Variants in NRCAM observed in about 807,000 individuals in gnomAD.
NRCAM encodes the protein NgCAM-related cell adhesion molecule.
Under a neutral mutation model 156.5 loss-of-function variants are expected in NRCAM, and 83 were observed. That is an observed-to-expected ratio of 0.53 (90% CI 0.44 to 0.64). NRCAM has a LOEUF of 0.64. NRCAM is among the 30% of genes least tolerant of loss of function. NRCAM has a pLI of 0.00. For synonymous variants in NRCAM, 538 were observed against 563.9 expected, an observed-to-expected ratio of 0.95 and a Z score of 0.65; for missense variants, 1,417 against 1,597.3, an observed-to-expected ratio of 0.89 and a Z score of 1.92.
chr7:108,378,874 A>G (rs976115506), intron 2 of NRCAM, among the ~76,000 whole-genome samples: 8 of 149,432 alleles, frequency 5.4e-5, no homozygotes, highest in African/African-American at 1.7e-4. Flanking sequence ...CAAAGGAGAG[A>G]AAAAAAAAAT....
intron 2 of NRCAM, among the ~76,000 whole-genome samples, chr7:108,367,674 T>C (rs1016913992): frequency 3.3e-5 from 5 of 152,122 alleles, no homozygotes; most frequent in African/African-American, 1.2e-4. Flanking sequence ...CTTCTATATC[T>C]GAAGGAGAGT....
chr7:108,324,642 G>A (rs1229513058), intron 2 of NRCAM, among the ~76,000 whole-genome samples: 1 of 152,180 alleles, frequency 6.6e-6, no homozygotes, highest in Non-Finnish European at 1.5e-5. Context: ...CCAGTCGGGG[G>A]CTGGGTGGTA....
At chr7:108,185,553 C>T (rs2066149362) in intron 20 of NRCAM, among the ~76,000 whole-genome samples, 1 of 151,834 alleles carries the variant, frequency 6.6e-6, no homozygotes, top group Admixed American at 6.6e-5. Context: ...CTAGCAAAAC[C>T]CCGTCTCTAC....
intron 3 of NRCAM, among the ~76,000 whole-genome samples, chr7:108,290,596 T>C (rs1307273306): frequency 6.6e-6 from 1 of 152,220 alleles, no homozygotes; most frequent in Non-Finnish European, 1.5e-5. Flanking sequence ...TACAACTATC[T>C]AAACATTTCC....
chr7:108,149,833 T>C lies in NRCAM; in HGVS notation c.*77A>G, dbSNP rs1393300915. The stretch of plus-strand genomic sequence containing the variant: ...AATATACTCTCTACCCATATGTTCA[T>C]AGTATGAGAGGGCTGACAAACAAGT... On this transcript the variant is annotated 3_prime_UTR_variant, in exon 33 of 33. Transcript: ENST00000379028. The C allele has an allele frequency of 1.5e-5, 17 of 1,143,198 alleles. No individual in the cohort carries two copies. The African/African-American group carries it at 1.6e-4, about 10-fold the overall frequency. The allele number at this position is 1,143,198 out of a possible 1,614,324, so 70.8% of individuals were successfully genotyped here. A position where few individuals can be genotyped will look rare whatever the true frequency, so the allele number is the denominator to read the frequency against.
chr7:108,223,717 T>G lies in NRCAM; in HGVS notation c.890+8A>C. The G allele has an allele frequency of 7.3e-7, 1 of 1,371,670 alleles. No homozygotes were observed. Among genetic ancestry groups the G allele is most frequent in the East Asian group, 2.3e-5 (1 of 43,598 alleles). The allele number at this position is 1,371,670 out of a possible 1,614,324, so 85.0% of individuals were successfully genotyped here. A position where few individuals can be genotyped will look rare whatever the true frequency, so the allele number is the denominator to read the frequency against. ...AAATGTACTTCAGGACAGAAAGTGT[T>G]AACTCACAGTCCTTCTGCAATGCAC... is the stretch of plus-strand genomic sequence containing the variant. On this transcript the variant is annotated splice_region_variant and intron_variant, in intron 11 of 32. Coordinates refer to ENST00000379028, the MANE Select transcript of NRCAM (RefSeq NM_001037132.4).
chr7:108,348,973 G>A (rs934575169), intron 2 of NRCAM, among the ~76,000 whole-genome samples: 3 of 152,004 alleles, frequency 2.0e-5, no homozygotes, highest in Non-Finnish European at 4.4e-5. Context: ...TATCAGGATG[G>A]GGGGGAATGT....
chr7:108,224,813 T>G (rs566120046), intron 10 of NRCAM, among the ~76,000 whole-genome samples: 2 of 152,216 alleles, frequency 1.3e-5, no homozygotes, highest in African/African-American at 4.8e-5. Flanking sequence ...TAAAATCACT[T>G]TGGGAATGGT....
At chr7:108,433,739 G>A (rs927092099) in intron 1 of NRCAM, among the ~76,000 whole-genome samples, 4 of 152,142 alleles carry the variant, frequency 2.6e-5, no homozygotes, top group Admixed American at 2.0e-4. Flanking sequence ...AGCAGTCAAG[G>A]CCCTCACCTG....
chr7:108,183,789 C>T (rs1456228958), intron 22 of NRCAM, among the ~76,000 whole-genome samples: 2 of 152,144 alleles, frequency 1.3e-5, no homozygotes, highest in African/African-American at 4.8e-5. Context: ...CCCGCCTCGG[C>T]CTCCCAAAGT....
chr7:108,431,687 A>C (rs1355260029), intron 1 of NRCAM, among the ~76,000 whole-genome samples: 1 of 152,174 alleles, frequency 6.6e-6, no homozygotes, highest in Non-Finnish European at 1.5e-5. Context: ...CAGGTGGCTG[A>C]GGTAGGAAAA....
At position 108,421,520 on chromosome 7, in the gene NRCAM, T is replaced by C. The variant is rs80292162; in HGVS notation, c.-331-21927A>G. On this transcript the variant is annotated intron_variant, in intron 1 of 32. Coordinates refer to ENST00000379028, the MANE Select transcript of NRCAM (RefSeq NM_001037132.4). The stretch of plus-strand genomic sequence containing the variant: ...AAATAAAGAATGTGAATGCATTTTG[T>C]AGAAGGAAAAGTATTATTCATGAAG... Among the ~76,000 whole-genome samples, 837 of 152,306 alleles carry C rather than the reference T, an allele frequency of 5.5e-3. 7 individuals carry two copies. Among genetic ancestry groups the C allele is most frequent in the African/African-American group, 0.017 (712 of 41,560 alleles).
chr7:108,414,970 G>T lies in NRCAM; in HGVS notation c.-331-15377C>A, dbSNP rs1020171611. The stretch of plus-strand genomic sequence containing the variant: ...GTGAGTCCAGGGTTCATAGCAGAGG[G>T]CTGTGGAGGCAAGACAGAGGGGTTT... On this transcript the variant is annotated intron_variant, in intron 1 of 32. Transcript: ENST00000379028. Among the ~76,000 whole-genome samples the T allele has an allele frequency of 9.9e-5, 15 of 152,128 alleles. 1 individual carries two copies. Among genetic ancestry groups the T allele is most frequent in the Non-Finnish European group, 2.9e-5 (2 of 68,030 alleles).
At chr7:108,421,381 C>T (rs1245117897) in intron 1 of NRCAM, among the ~76,000 whole-genome samples, 1 of 152,132 alleles carries the variant, frequency 6.6e-6, no homozygotes, top group Admixed American at 6.5e-5. Flanking sequence ...TTACATGTCT[C>T]ATGATCATAT....
chr7:108,411,030 T>C (rs1054981853), intron 1 of NRCAM, among the ~76,000 whole-genome samples: 2 of 152,198 alleles, frequency 1.3e-5, no homozygotes, highest in Non-Finnish European at 2.9e-5. Context: ...CCTTCTACAA[T>C]GAATTGATTA....
chr7:108,223,507 C>T (rs1439405245), intron 11 of NRCAM, among the ~76,000 whole-genome samples: 1 of 152,044 alleles, frequency 6.6e-6, no homozygotes, highest in African/African-American at 2.4e-5. Context: ...AAGGTGATTA[C>T]TGATACTTAT....
rs78616882 is a variant in NRCAM at position 108,446,661 on chromosome 7, C to T, written c.-332+9582G>A. ...TCTTTATCATGCAGACTCGGCCCCT[C>T]AATGTTATTTAGAGCAAATATCAAA... On this transcript the variant is annotated intron_variant, in intron 1 of 32. Transcript: ENST00000379028. Among the ~76,000 whole-genome samples the T allele has an allele frequency of 6.2e-3, 937 of 151,988 alleles. 5 individuals carry two copies. The highest frequency in any genetic ancestry group is 0.021 in the African/African-American group (891 of 41,460).
At chr7:108,433,115 T>C (rs1827756340) in intron 1 of NRCAM, among the ~76,000 whole-genome samples, 1 of 152,180 alleles carries the variant, frequency 6.6e-6, no homozygotes, top group Non-Finnish European at 1.5e-5. Context: ...CTCTCTTTGT[T>C]CCCACCCATC....
At position 108,150,135 on chromosome 7, in the gene NRCAM, G is replaced by A; in HGVS notation, c.3690C>T (p.Asp1230=). ...GTFGEYSDAE[D]HKPLKKGSRT... ...GACTTCCTTTTTTCAAAGGCTTGTG[G>A]TCTTCTGCATCACTGGAAGAAAGAG... Residue 1230 remains aspartate (D), a synonymous_variant, in exon 33 of 33, where the codon GAC becomes GAT. Coordinates refer to ENST00000379028, the MANE Select transcript of NRCAM (RefSeq NM_001037132.4). 6.2e-7 allele frequency: 1 copy of A among 1,604,002 alleles called. No homozygotes were observed. The highest frequency in any genetic ancestry group is 1.3e-5 in the African/African-American group (1 of 74,232).
Sources: allele counts gnomAD v4.1 joint callset (sites outside exome capture counted in the v4.1 genomes callset), GRCh38; gene constraint gnomAD v4.1.1; transcripts MANE v1.5; gene names NCBI Gene and HGNC (gene_info 2026-07-23, HGNC 2026-07-21).